CETP: variants seen among roughly 807,000 people sequenced by gnomAD.
The protein encoded by CETP is BPI fold containing family F.
Under a neutral mutation model 66.5 loss-of-function variants are expected in CETP, and 56 were observed. The ratio of observed to expected loss-of-function variants is 0.84; its 90% CI spans 0.68 to 1.05. The LOEUF (loss-of-function observed/expected upper bound fraction) is 1.05. CETP is among the 50% of genes least tolerant of loss of function. The probability of loss-of-function intolerance (pLI) is 0.00; values close to 1 mark genes in which losing one functional copy is unlikely to be tolerated. For missense variants in CETP, 612 were observed against 609.6 expected, an observed-to-expected ratio of 1.00 and a Z score of -0.04; for synonymous variants, 251 against 245.7, an observed-to-expected ratio of 1.02 and a Z score of -0.20.
chr16:56,975,268 A>G (rs2056141718), intron 10 of CETP, 117 bp downstream of exon 10: 1 of 864,750 alleles, frequency 1.2e-6, no homozygotes, highest in Admixed American at 1.9e-5. Flanking sequence ...AACAGCGAAC[A>G]CAGCTCCTAC....
At chr16:56,963,522 C>T (rs2056041294) in intron 2 of CETP, among the ~76,000 whole-genome samples, 1 of 152,142 alleles carries the variant, frequency 6.6e-6, no homozygotes. Flanking sequence ...CCAGGTTGGT[C>T]TTGAACTCTT....
At chr16:56,965,662 A>G (rs2056060670) in intron 2 of CETP, among the ~76,000 whole-genome samples, 1 of 152,160 alleles carries the variant, frequency 6.6e-6, no homozygotes, top group South Asian at 2.1e-4. Context: ...AGTGCCTGCC[A>G]CACAGCATGT....
intron 14 of CETP, among the ~76,000 whole-genome samples, chr16:56,982,536 C>T (rs758916022): frequency 6.6e-6 from 1 of 152,222 alleles, no homozygotes; most frequent in Non-Finnish European, 1.5e-5. Context: ...AGAAAGACCC[C>T]TGGGCTGGGA....
chr16:56,971,583 C>T (rs568040484), intron 7 of CETP, among the ~76,000 whole-genome samples: 6 of 152,264 alleles, frequency 3.9e-5, no homozygotes, highest in Non-Finnish European at 7.4e-5. Context: ...AGCTGTGTGG[C>T]GTTGGGCAAG....
chr16:56,983,479 T>C (rs2056203207), intron 15 of CETP, 68 bp downstream of exon 15: 2 of 1,597,778 alleles, frequency 1.3e-6, no homozygotes, highest in Non-Finnish European at 1.7e-6. Flanking sequence ...ATTCCTGGGG[T>C]GACTGGGGGC....
Position 56,983,744 on chromosome 16 carries a change from T to A in CETP, c.*78T>A. 7.3e-7 allele frequency: 1 copy of A among 1,363,252 alleles called. No homozygotes were observed. The allele number at this position is 1,363,252 out of a possible 1,614,324, so 84.4% of individuals were successfully genotyped here. On this transcript the variant is annotated 3_prime_UTR_variant, in exon 16 of 16. Coordinates refer to ENST00000200676, the MANE Select transcript of CETP (RefSeq NM_000078.3). Reference sequence around the variant, plus strand: ...TCACAGCTGGAACCCTGGTGTCTCCTCCAGCGTGGTGGAAGTTGGGTTAGG... The same window carrying A: ...TCACAGCTGGAACCCTGGTGTCTCCACCAGCGTGGTGGAAGTTGGGTTAGG...
rs771246247 is a variant in CETP at position 56,983,402 on chromosome 16, C to T, written c.1398C>T (p.Ile466=). The part of the protein sequence containing the change: ...SLFDIINPEI[I]TRDGFLLLQM... ...TCGACATCATCAACCCTGAGATTAT[C>T]ACTCGAGATGTGAGTACAAAGCCCC... is the stretch of plus-strand genomic sequence containing the variant. The change falls in exon 15 of 16, where the codon ATC becomes ATT. Residue 466 remains isoleucine, a synonymous_variant. Transcript: ENST00000200676. 6.2e-7 allele frequency: 1 copy of T among 1,614,172 alleles called. No homozygotes were observed. The highest frequency in any genetic ancestry group is 8.5e-7 in the Non-Finnish European group (1 of 1,179,982).
At chr16:56,964,688 A>G (rs1464394954) in intron 2 of CETP, among the ~76,000 whole-genome samples, 5 of 152,124 alleles carry the variant, frequency 3.3e-5, no homozygotes, top group African/African-American at 1.2e-4. Flanking sequence ...GTCTTGGTAA[A>G]TGTTTCTGAG....
Position 56,969,524 on chromosome 16 carries a change from A to C in CETP, c.368+4A>C. 1 of 1,614,214 alleles carries C rather than the reference A, an allele frequency of 6.2e-7. No individual in the cohort carries two copies. The highest frequency in any genetic ancestry group is 8.5e-7 in the Non-Finnish European group (1 of 1,180,038). Reference sequence around the variant, plus strand: ...ATGGCTACACCACTGCCTGGTGGTAAGCATTCCTGTCAGCTGATGCCCCAT... The same window carrying C: ...ATGGCTACACCACTGCCTGGTGGTACGCATTCCTGTCAGCTGATGCCCCAT... On this transcript the variant is annotated splice_donor_region_variant and intron_variant, in intron 3 of 15. Transcript: ENST00000200676.
intron 2 of CETP, among the ~76,000 whole-genome samples, chr16:56,965,263 C>T (rs1363359927): frequency 1.3e-5 from 2 of 150,610 alleles, no homozygotes. Context: ...ACTGTTATCC[C>T]AAACGTATAT....
intron 8 of CETP, 146 bp from the exon 9 acceptor site, chr16:56,973,185 G>T (rs1172108754): frequency 2.5e-6 from 2 of 815,448 alleles, no homozygotes; most frequent in Admixed American, 4.4e-5. Flanking sequence ...TGAAAGCCCC[G>T]CTGGGGGAAA....
In CETP at chr16:56,975,137, G is replaced by T. The variant is rs748890214; in HGVS notation, c.967G>T (p.Glu323Ter). 2.5e-6 allele frequency: 4 copies of T among 1,614,082 alleles called. No individual in the cohort carries two copies. The Admixed American group carries it at 6.7e-5, about 27-fold the overall frequency. ...GACCTGGGGCTTCAACACCAACCAG[G>T]AAATCTTCCAAGAGGTAACTGCCCC... is the stretch of plus-strand genomic sequence containing the variant. The part of the protein sequence containing the change: ...LETWGFNTNQ[E>*]IFQEVVGGFP... Residue 323 changes from glutamate (E) to a stop codon, truncating the protein, a stop_gained, in exon 10 of 16, where the codon GAA (glutamate) becomes TAA (stop). Transcript: ENST00000200676. LOFTEE classifies it high-confidence loss of function.
chr16:56,973,215 C>T lies in CETP; in HGVS notation c.751-116C>T, dbSNP rs562343117. 89 of 1,087,376 alleles carry T rather than the reference C, an allele frequency of 8.2e-5. No homozygotes were observed. In the African/African-American group the frequency reaches 1.3e-3, roughly 16 times the overall value. The allele number at this position is 1,087,376 out of a possible 1,614,324, so 67.4% of individuals were successfully genotyped here. Reference sequence around the variant, plus strand: ...GGGAAACTGGGTACAGCTCTTTCCTCAGTTTCCCCATCTGCACTCTGGGCT... The same window carrying T: ...GGGAAACTGGGTACAGCTCTTTCCTTAGTTTCCCCATCTGCACTCTGGGCT... On this transcript the variant is annotated intron_variant, in intron 8 of 15. Coordinates refer to ENST00000200676, the MANE Select transcript of CETP (RefSeq NM_000078.3).
intron 6 of CETP, 98 bp downstream of exon 6, chr16:56,971,200 C>A (rs2056107279): frequency 6.6e-7 from 1 of 1,508,178 alleles, no homozygotes; most frequent in Non-Finnish European, 9.2e-7. Flanking sequence ...CCACTCCCAC[C>A]TTCTCCATGT....
Position 56,972,535 on chromosome 16 carries a change from C to T in CETP, c.750+452C>T, listed in dbSNP as rs555933531. ...TGCGTTCTGAGCATCTGCAGCCCCG[C>T]GGGATCAGGAGGCTGCAGGGTGTCA... On this transcript the variant is annotated intron_variant, in intron 8 of 15. Coordinates refer to ENST00000200676, the MANE Select transcript of CETP (RefSeq NM_000078.3). Among the ~76,000 whole-genome samples the T allele has an allele frequency of 5.9e-5, 9 of 152,328 alleles. No homozygotes were observed. In the South Asian group the frequency reaches 1.7e-3, roughly 28 times the overall value.
In CETP at chr16:56,963,141, G is replaced by A. The variant is rs745355167; in HGVS notation, c.233+17G>A. On this transcript the variant is annotated intron_variant, in intron 2 of 15. Transcript: ENST00000200676. The stretch of plus-strand genomic sequence containing the variant: ...GTTGCACAAGTGAGTCGGGCCTCGG[G>A]TGTGACCAGGCTGGGGGTAGGGAGG... The A allele has an allele frequency of 6.2e-7, 1 of 1,601,538 alleles. No individual in the cohort carries two copies. The highest frequency in any genetic ancestry group is 1.1e-5 in the South Asian group (1 of 90,760).
At position 56,963,026 on chromosome 16, in the gene CETP, C is replaced by T. The variant is rs1438295846; in HGVS notation, c.135C>T (p.Ala45=). 6.2e-7 allele frequency: 1 copy of T among 1,614,150 alleles called. No individual in the cohort carries two copies. The highest frequency in any genetic ancestry group is 8.5e-7 in the Non-Finnish European group (1 of 1,179,998). Reference sequence around the variant, plus strand: ...CCCCTCTAGTGAACCACGAGACTGCCAAGGTGATCCAGACCGCCTTCCAGC... The same window carrying T: ...CCCCTCTAGTGAACCACGAGACTGCTAAGGTGATCCAGACCGCCTTCCAGC... The part of the protein sequence containing the change: ...PALLVLNHET[A]KVIQTAFQRA... Residue 45 remains alanine, a synonymous_variant, in exon 2 of 16, where the codon GCC becomes GCT. Coordinates refer to ENST00000200676, the MANE Select transcript of CETP (RefSeq NM_000078.3).
intron 7 of CETP, 118 bp downstream of exon 7, chr16:56,971,499 C>G (rs1434369055): frequency 2.2e-6 from 2 of 900,076 alleles, no homozygotes; most frequent in Admixed American, 1.7e-5. Context: ...TGGGCTCTAT[C>G]TGGCTCTGAC....
intron 11 of CETP, among the ~76,000 whole-genome samples, chr16:56,979,967 T>C (rs1434548991): frequency 6.6e-6 from 1 of 152,224 alleles, no homozygotes; most frequent in Non-Finnish European, 1.5e-5. Flanking sequence ...GCTTTGTTAT[T>C]TTTAAATAAA....
Sources: gnomAD v4.1 joint callset for allele counts (sites outside exome capture counted in the v4.1 genomes callset) on GRCh38, gnomAD v4.1.1 for gene constraint, MANE v1.5 for transcripts, NCBI Gene and HGNC (gene_info 2026-07-23, HGNC 2026-07-21) for gene names.